POC1A: variants seen among roughly 807,000 people sequenced by gnomAD.
POC1A encodes the protein POC1 centriolar protein homolog A.
In POC1A, 34 loss-of-function variants were observed where a neutral mutation model predicts 47.8. The observed-to-expected ratio is 0.71, with a 90% CI of 0.54 to 0.95. POC1A has a LOEUF of 0.95. POC1A is among the 40% of genes least tolerant of loss of function. POC1A has a pLI of 0.00. For missense variants in POC1A, 466 were observed against 528.3 expected, an observed-to-expected ratio of 0.88 and a Z score of 1.16; for synonymous variants, 177 against 207.6, an observed-to-expected ratio of 0.85 and a Z score of 1.27.
intron 7 of POC1A, among the ~76,000 whole-genome samples, chr3:52,137,367 T>A (rs2107156193): frequency 6.6e-6 from 1 of 152,164 alleles, no homozygotes; most frequent in South Asian, 2.1e-4. Flanking sequence ...CCAAGACACA[T>A]AAGCACCCCC....
At chr3:52,128,266 G>T (rs180790721) in intron 7 of POC1A, among the ~76,000 whole-genome samples, 78 of 152,294 alleles carry the variant, frequency 5.1e-4, no homozygotes, top group African/African-American at 1.7e-3. Context: ...AGGCCAAGTT[G>T]GGAAAAGGTG....
rs777675607 is a variant in POC1A, at chr3:52,147,082, C to A, written c.469G>T (p.Gly157Trp). 1.2e-6 allele frequency: 2 copies of A among 1,613,962 alleles called. No individual in the cohort carries two copies. Among genetic ancestry groups the A allele is most frequent in the South Asian group, 1.1e-5 (1 of 91,072 alleles). Residue 157 changes from glycine (G) to tryptophan (W), a missense_variant, in exon 5 of 11, where the codon GGG becomes TGG. Physicochemically the swap from Gly to Trp is radical, Grantham distance 184. Transcript: ENST00000296484. ...TCACTGGCAGACACGATGAGCCGCC[C>A]GTCGGGGGAGAACCTGAACCGGGTG... Reference protein sequence around the residue: ...WVRCAKFSPDGRLIVSASDDK... With the variant: ...WVRCAKFSPDWRLIVSASDDK...
chr3:52,123,494 GAC>G (rs1489067118), intron 8 of POC1A, among the ~76,000 whole-genome samples: 1 of 152,072 alleles, frequency 6.6e-6, no homozygotes, highest in African/African-American at 2.4e-5. Context: ...TGTCTGTCAG[GAC>G]GCAGCTGTGA....
At chr3:52,145,806 C>T (rs533586738) in intron 6 of POC1A, 40 bp downstream of exon 6, 1 of 1,336,054 alleles carries the variant, frequency 7.5e-7, no homozygotes, top group East Asian at 2.3e-5. Flanking sequence ...ACAGTCCCAC[C>T]AGGGCTGCCC....
intron 4 of POC1A, 33 bp downstream of exon 4, chr3:52,149,177 C>T: frequency 6.2e-7 from 1 of 1,604,266 alleles, no homozygotes; most frequent in Non-Finnish European, 8.5e-7. Context: ...CCCCAGGGTT[C>T]CTCCAAGGGT....
At chr3:52,145,984 G>A (rs1559851558) in intron 5 of POC1A, 23 bp from the exon 6 acceptor site, 8 of 1,435,534 alleles carry the variant, frequency 5.6e-6, no homozygotes, top group Non-Finnish European at 6.9e-6. Flanking sequence ...GGGCCACTAT[G>A]CACTATAGGA....
rs1577797270 is a variant in POC1A at position 52,083,156 on chromosome 3, G to A, written c.1126-7171C>T. On this transcript the variant is annotated intron_variant, in intron 10 of 10. Transcript: ENST00000296484. ...GGGACTCGGGCATCTGGGGCATCAC[G>A]AGAGTTCAGAGAGGTCTCTGTATGA... 2.0e-5 allele frequency among the ~76,000 whole-genome samples: 3 copies of A among 152,242 alleles called. 1 individual carries two copies. The highest frequency in any genetic ancestry group is 2.4e-5 in the African/African-American group (1 of 41,534).
intron 9 of POC1A, among the ~76,000 whole-genome samples, chr3:52,103,604 A>ATTT (rs1703071218): frequency 1.3e-5 from 2 of 152,166 alleles, no homozygotes; most frequent in Non-Finnish European, 2.9e-5. Context: ...AACATAGAAA[A>ATTT]TCTCTGTGAC....
At chr3:52,091,216 C>A (rs1288845403) in intron 10 of POC1A, among the ~76,000 whole-genome samples, 1 of 152,112 alleles carries the variant, frequency 6.6e-6, no homozygotes, top group Admixed American at 6.5e-5. Context: ...GGCCCTTGGA[C>A]CCTGAGGGAG....
rs59028696 is a variant in POC1A at position 52,111,652 on chromosome 3, T to TAAA, written c.981+10724_981+10726dup. On this transcript the variant is annotated intron_variant, in intron 9 of 10. Coordinates refer to ENST00000296484, the MANE Select transcript of POC1A (RefSeq NM_015426.5). ...GAATGGCTAGACTCTGTCTCAAAAT[T>TAAA]AAAAAAAAAAAAAAAAAAAAAAAAG... 4.5e-3 allele frequency among the ~76,000 whole-genome samples: 427 copies of TAAA among 95,142 alleles called. 5 individuals are homozygous for TAAA. Among genetic ancestry groups the TAAA allele is most frequent in the African/African-American group, 0.014 (396 of 28,038 alleles). 62.4% of individuals were successfully genotyped at this position (95,142 alleles called of 152,430 possible).
intron 10 of POC1A, among the ~76,000 whole-genome samples, chr3:52,086,495 C>T (rs566063868): frequency 4.9e-4 from 75 of 152,228 alleles, no homozygotes; most frequent in Non-Finnish European, 8.7e-4. Context: ...GCAGGGCTGC[C>T]GGGCCCCACT....
chr3:52,142,304 C>G (rs925198478), intron 6 of POC1A, among the ~76,000 whole-genome samples: 1 of 152,218 alleles, frequency 6.6e-6, no homozygotes, highest in East Asian at 1.9e-4. Flanking sequence ...AACCCACCAC[C>G]ACAGGGATTG....
chr3:52,101,387 G>A (rs1703000596), intron 9 of POC1A, among the ~76,000 whole-genome samples: 2 of 11,570 alleles, frequency 1.7e-4, no homozygotes, highest in African/African-American at 8.3e-4. Context: ...GACACAAAAA[G>A]GCAGGGAGAA....
chr3:52,149,540 T>A, intron 3 of POC1A, 151 bp from the exon 4 acceptor site: 1 of 706,022 alleles, frequency 1.4e-6, no homozygotes. Context: ...CCAGAGCCTC[T>A]CCTATATGAA....
At chr3:52,131,248 C>A (rs574025872) in intron 7 of POC1A, among the ~76,000 whole-genome samples, 23 of 152,314 alleles carry the variant, frequency 1.5e-4, no homozygotes, top group African/African-American at 4.8e-4. Flanking sequence ...CACTGCCCCC[C>A]ACGCTTGCCA....
At chr3:52,078,960 G>A (rs1702201977) in intron 10 of POC1A, among the ~76,000 whole-genome samples, 1 of 152,214 alleles carries the variant, frequency 6.6e-6, no homozygotes, top group South Asian at 2.1e-4. Flanking sequence ...CAGGCCACCT[G>A]CAGGGAGTCT....
chr3:52,110,090 G>A (rs1023075598), intron 9 of POC1A, among the ~76,000 whole-genome samples: 4 of 152,120 alleles, frequency 2.6e-5, no homozygotes, highest in Non-Finnish European at 4.4e-5. Context: ...AAGACAGCCC[G>A]CCTCTAGCCT....
intron 8 of POC1A, among the ~76,000 whole-genome samples, chr3:52,122,834 C>G (rs1266128184): frequency 1.3e-5 from 2 of 152,366 alleles, no homozygotes; most frequent in East Asian, 3.9e-4. Context: ...TCAGAGAGGC[C>G]TTCTGTGAAT....
chr3:52,076,307 C>T lies in POC1A; in HGVS notation c.1126-322G>A, dbSNP rs111856968. Among the ~76,000 whole-genome samples the T allele has an allele frequency of 1.3e-3, 198 of 152,330 alleles. 2 individuals are homozygous for T. Among genetic ancestry groups the T allele is most frequent in the African/African-American group, 4.6e-3 (191 of 41,574 alleles). ...AACCAAGGGGTCAGGAACCCCCCACCCTGGTGGCCTGGCATTTATATTGGA... is the reference window on the plus strand; with the variant it reads ...AACCAAGGGGTCAGGAACCCCCCACTCTGGTGGCCTGGCATTTATATTGGA... On this transcript the variant is annotated intron_variant, in intron 10 of 10. Coordinates refer to ENST00000296484, the MANE Select transcript of POC1A (RefSeq NM_015426.5).
Sources: gnomAD v4.1 joint callset for allele counts (sites outside exome capture counted in the v4.1 genomes callset) on GRCh38, gnomAD v4.1.1 for gene constraint, MANE v1.5 for transcripts, NCBI Gene and HGNC (gene_info 2026-07-23, HGNC 2026-07-21) for gene names.